RPUSD3: variants seen among roughly 807,000 people sequenced by gnomAD.
RPUSD3 encodes RNA pseudouridine synthase D3, also known as mitochondrial mRNA pseudouridine synthase RPUSD3.
A neutral mutation model predicts 35.1 loss-of-function variants in RPUSD3; 36 were observed. The observed-to-expected ratio is 1.02, with a 90% confidence interval of 0.79 to 1.35. The LOEUF (loss-of-function observed/expected upper bound fraction) is 1.35. RPUSD3 is among the 40% of genes most tolerant of loss of function. The pLI is 0.00. For synonymous variants in RPUSD3, 202 were observed against 187.8 expected, an observed-to-expected ratio of 1.08 and a Z score of -0.62; for missense variants, 486 against 441.9, an observed-to-expected ratio of 1.10 and a Z score of -0.89.
intron 8 of RPUSD3, 175 bp downstream of exon 8, chr3:9,838,857 G>T: frequency 1.4e-6 from 1 of 712,076 alleles, no homozygotes; most frequent in Non-Finnish European, 2.3e-6. Context: ...GCCCAAGAGA[G>T]TGAGTGTTAC....
In RPUSD3 at chr3:9,839,257, AAAC is replaced by A. The variant is rs2125022974; in HGVS notation, c.725-89_725-87del. 28 of 1,474,470 alleles carry A rather than the reference AAAC, an allele frequency of 1.9e-5. No individual in the cohort carries two copies. In the South Asian group the frequency reaches 3.5e-4, roughly 19 times the overall value. 91.3% of individuals were successfully genotyped at this position (1,474,470 alleles called of 1,614,324 possible). A position where few individuals can be genotyped will look rare whatever the true frequency, so the allele number is the denominator to read the frequency against. On this transcript the variant is annotated intron_variant, in intron 7 of 8. Transcript: ENST00000383820. ...TCACTCCTCCCCTTTTCCTTTGGGG[AAAC>A]ACCACCCCCTTTCTCAGATCATATG...
chr3:9,841,948 T>C, intron 4 of RPUSD3, 35 bp downstream of exon 4: 1 of 1,559,808 alleles, frequency 6.4e-7, no homozygotes, highest in Non-Finnish European at 8.8e-7. Flanking sequence ...GATGGATGCC[T>C]GTACTCCTAG....
chr3:9,842,657 CCT>C (rs1400802369), intron 2 of RPUSD3: 1 of 261,366 alleles, frequency 3.8e-6, no homozygotes, highest in Non-Finnish European at 7.6e-6. Flanking sequence ...CCATTTCTCC[CCT>C]GAGAGCAGAA....
At chr3:9,842,632 C>G (rs1020917831) in intron 2 of RPUSD3, 1 of 276,286 alleles carries the variant, frequency 3.6e-6, no homozygotes, top group Non-Finnish European at 7.1e-6. Flanking sequence ...TCCATTTCTC[C>G]CGTTAGAGAG....
exon 9 of RPUSD3, chr3:9,838,123 G>A: frequency 6.2e-7 from 1 of 1,612,658 alleles, no homozygotes; most frequent in Non-Finnish European, 8.5e-7. Context: ...GGGAGAAGGA[G>A]CCGATGTAGG....
At chr3:9,843,563 C>T in exon 2 of RPUSD3, 1 of 1,613,772 alleles carries the variant, frequency 6.2e-7, no homozygotes, top group Non-Finnish European at 8.5e-7. Flanking sequence ...CCCGAGGGGC[C>T]CCGACCGTTG....
chr3:9,840,529 C>T lies in RPUSD3; in HGVS notation c.600+3G>A, dbSNP rs768359726. The T allele has an allele frequency of 2.5e-6, 4 of 1,614,040 alleles. No individual in the cohort carries two copies. Among genetic ancestry groups the T allele is most frequent in the Non-Finnish European group, 3.4e-6 (4 of 1,179,942 alleles). On this transcript the variant is annotated splice_donor_region_variant and intron_variant, in intron 6 of 8. Transcript: ENST00000383820. ...CCCCTCCTCTTCCCAGACCCGGACTCACGAGATTGACCCCATCAATGTGTT... is the reference window on the plus strand; with the variant it reads ...CCCCTCCTCTTCCCAGACCCGGACTTACGAGATTGACCCCATCAATGTGTT...
chr3:9,841,838 G>A lies in RPUSD3; in HGVS notation c.407+145C>T, dbSNP rs2082108526. On this transcript the variant is annotated intron_variant, in intron 4 of 8. Transcript: ENST00000383820. ...TGAGGATTTGAACCCAGAGCCATCG[G>A]CTTCCTCTTCTTCACAGTACTTGTA... 6 of 698,856 alleles carry A rather than the reference G, an allele frequency of 8.6e-6. No individual in the cohort carries two copies. In the South Asian group the frequency reaches 1.1e-4, roughly 13 times the overall value. 43.3% of individuals were successfully genotyped at this position (698,856 alleles called of 1,614,324 possible). A position where few individuals can be genotyped will look rare whatever the true frequency, so the allele number is the denominator to read the frequency against.
intron 2 of RPUSD3, chr3:9,843,027 G>T: frequency 5.8e-6 from 1 of 171,558 alleles, no homozygotes; most frequent in Admixed American, 5.5e-5. Flanking sequence ...GAGTAGCTGG[G>T]ATTACAGGCG....
intron 8 of RPUSD3, among the ~76,000 whole-genome samples, chr3:9,838,582 GCTGGGTATCAACAGC>G (rs1288947340): frequency 6.6e-6 from 1 of 152,110 alleles, no homozygotes; most frequent in Non-Finnish European, 1.5e-5. Flanking sequence ...CCCTCATCTG[GCTGGGTATCAACAGC>G]CTGGGTCCCT....
At chr3:9,839,218 T>C in intron 7 of RPUSD3, 47 bp from the exon 8 acceptor site, 1 of 1,580,980 alleles carries the variant, frequency 6.3e-7, no homozygotes, top group Non-Finnish European at 8.6e-7. Flanking sequence ...CTACTCGTTC[T>C]GTGCCACCCA....
chr3:9,844,002 G>A (rs944160977), exon 1 of RPUSD3: 1 of 1,588,834 alleles, frequency 6.3e-7, no homozygotes, highest in Non-Finnish European at 8.5e-7. Context: ...TCCCGAGCCA[G>A]GACAGCGCGC....
chr3:9,841,527 G>C (rs760095309), intron 4 of RPUSD3: 7 of 159,000 alleles, frequency 4.4e-5, no homozygotes, highest in African/African-American at 1.4e-4. Flanking sequence ...AGTAAAGATA[G>C]GGTTTTGCCA....
At chr3:9,842,156 A>C in intron 3 of RPUSD3, 43 bp downstream of exon 3, 1 of 1,612,628 alleles carries the variant, frequency 6.2e-7, no homozygotes, top group Non-Finnish European at 8.5e-7. Flanking sequence ...CAGTCACGAA[A>C]CCCCCTTCCG....
At chr3:9,842,485 A>G in intron 2 of RPUSD3, 1 of 582,942 alleles carries the variant, frequency 1.7e-6, no homozygotes, top group Non-Finnish European at 3.1e-6. Context: ...ATCTTGGCTC[A>G]AATGTCACAT....
exon 9 of RPUSD3, chr3:9,837,949 T>C (rs1312291822): frequency 2.7e-6 from 4 of 1,471,564 alleles, no homozygotes; most frequent in Non-Finnish European, 3.6e-6. Flanking sequence ...ATCTTAGGTT[T>C]GTCTGACTGC....
exon 9 of RPUSD3, chr3:9,837,920 G>T: frequency 7.5e-7 from 1 of 1,341,812 alleles, no homozygotes; most frequent in Non-Finnish European, 1.0e-6. Flanking sequence ...CAGCAAGCAA[G>T]TGGCCTGTCC....
chr3:9,839,112 G>A (rs751916110), exon 8 of RPUSD3: 1 of 1,614,190 alleles, frequency 6.2e-7, no homozygotes, highest in South Asian at 1.1e-5. Context: ...GAGTACATGT[G>A]GTCCCCAAGC....
intron 2 of RPUSD3, chr3:9,842,450 A>G (rs1246459129): frequency 9.8e-6 from 6 of 610,846 alleles, no homozygotes; most frequent in East Asian, 2.8e-5. Flanking sequence ...CCTGTCCCCA[A>G]ATTTCCCAGG....
Sources: allele counts gnomAD v4.1 joint callset (sites outside exome capture counted in the v4.1 genomes callset), GRCh38; gene constraint gnomAD v4.1.1; transcripts MANE v1.5; gene names NCBI Gene and HGNC (gene_info 2026-07-23, HGNC 2026-07-21).